DNAJC1: variants seen among roughly 807,000 people sequenced by gnomAD.
DNAJC1 encodes the protein DnaJ heat shock protein family (Hsp40) member C1, also known as dnaJ homolog subfamily C member 1.
Under a neutral mutation model 76.6 loss-of-function variants are expected in DNAJC1, and 58 were observed. That is an observed-to-expected ratio of 0.76 (90% CI 0.61 to 0.94). The LOEUF (loss-of-function observed/expected upper bound fraction) is 0.94, where lower values mean the gene tolerates loss of function less well. DNAJC1 is among the 40% of genes least tolerant of loss of function. The pLI, the probability that DNAJC1 is intolerant of heterozygous loss-of-function variation, is 0.00. For missense variants in DNAJC1, 689 were observed against 677.3 expected, an observed-to-expected ratio of 1.02 and a Z score of -0.19; for synonymous variants, 258 against 267.9, an observed-to-expected ratio of 0.96 and a Z score of 0.36.
At chr10:21,888,465 G>T (rs929181818) in intron 7 of DNAJC1, among the ~76,000 whole-genome samples, 6 of 152,096 alleles carry the variant, frequency 3.9e-5, no homozygotes, top group Non-Finnish European at 5.9e-5. Flanking sequence ...ATTCACAATA[G>T]CAAAGACATG....
chr10:21,994,862 TG>T (rs1314668760), intron 1 of DNAJC1, among the ~76,000 whole-genome samples: 1 of 150,628 alleles, frequency 6.6e-6, no homozygotes, highest in Non-Finnish European at 1.5e-5. Flanking sequence ...AAAGAAATAT[TG>T]TATGATATAA....
At chr10:21,925,185 T>A in intron 3 of DNAJC1, among the ~76,000 whole-genome samples, 1 of 152,086 alleles carries the variant, frequency 6.6e-6, no homozygotes, top group Non-Finnish European at 1.5e-5. Flanking sequence ...GTAATTTTTT[T>A]ATTTTTTGTA....
chr10:21,786,212 C>T (rs932647899), intron 9 of DNAJC1, among the ~76,000 whole-genome samples: 7 of 151,610 alleles, frequency 4.6e-5, no homozygotes, highest in African/African-American at 1.7e-4. Context: ...TCTAGATCTC[C>T]AAGAGGCAGA....
At chr10:21,787,563 G>C (rs1329818937) in intron 9 of DNAJC1, among the ~76,000 whole-genome samples, 2 of 152,178 alleles carry the variant, frequency 1.3e-5, no homozygotes, top group African/African-American at 2.4e-5. Flanking sequence ...AACCAAAGGA[G>C]AGTGCTGGAG....
chr10:21,844,957 G>C (rs1269452577), intron 8 of DNAJC1, among the ~76,000 whole-genome samples: 1 of 152,204 alleles, frequency 6.6e-6, no homozygotes, highest in African/African-American at 2.4e-5. Context: ...TTGTGCACAG[G>C]AGGTGCCACT....
chr10:21,882,838 A>C (rs1434846980), intron 7 of DNAJC1, among the ~76,000 whole-genome samples: 1 of 152,310 alleles, frequency 6.6e-6, no homozygotes, highest in African/African-American at 2.4e-5. Context: ...TATAAAAAAA[A>C]CCTGGCTCTC....
At chr10:21,960,783 A>AC (rs1426899052) in intron 1 of DNAJC1, among the ~76,000 whole-genome samples, 2 of 152,228 alleles carry the variant, frequency 1.3e-5, no homozygotes, top group African/African-American at 4.8e-5. Context: ...AAGAACTCCT[A>AC]CAACTCAACA....
chr10:21,781,449 C>A (rs546427328), intron 9 of DNAJC1, among the ~76,000 whole-genome samples: 1 of 152,138 alleles, frequency 6.6e-6, no homozygotes, highest in Non-Finnish European at 1.5e-5. Flanking sequence ...TCGCCGGGCG[C>A]GGTGGCTCAC....
chr10:21,921,743 T>C (rs1837045200), intron 3 of DNAJC1, among the ~76,000 whole-genome samples: 1 of 152,038 alleles, frequency 6.6e-6, no homozygotes, highest in Non-Finnish European at 1.5e-5. Context: ...AAATCAGCTT[T>C]CTTGGTACTA....
At chr10:21,899,095 C>T (rs1016268440) in intron 7 of DNAJC1, among the ~76,000 whole-genome samples, 1 of 152,142 alleles carries the variant, frequency 6.6e-6, no homozygotes, top group African/African-American at 2.4e-5. Flanking sequence ...GCAACCACAC[C>T]TGGGAAACCA....
intron 7 of DNAJC1, among the ~76,000 whole-genome samples, chr10:21,892,255 G>C (rs1836473380): frequency 5.9e-5 from 9 of 151,800 alleles, no homozygotes; most frequent in Admixed American, 5.9e-4. Context: ...GATAATAAGA[G>C]AGAAAAAATA....
At position 21,756,642 on chromosome 10, in the gene DNAJC1, A is replaced by G. The variant is rs749072396; in HGVS notation, c.*45T>C. 1.7e-5 allele frequency: 24 copies of G among 1,447,372 alleles called. No homozygotes were observed. In the South Asian group the frequency reaches 2.6e-4, roughly 16 times the overall value. The allele number at this position is 1,447,372 out of a possible 1,614,324, so 89.7% of individuals were successfully genotyped here. A position where few individuals can be genotyped will look rare whatever the true frequency, so the allele number is the denominator to read the frequency against. On this transcript the variant is annotated 3_prime_UTR_variant, in exon 12 of 12. Coordinates refer to ENST00000376980, the MANE Select transcript of DNAJC1 (RefSeq NM_022365.4). ...CAAATTTCTGCATAAGATTTTTAAG[A>G]TATTCATTTTGGAAAATGAAGGTGA... is the stretch of plus-strand genomic sequence containing the variant.
In DNAJC1 at chr10:21,999,804, T is replaced by TTC. The variant is rs773325340; in HGVS notation, c.222+3407_222+3408dup. 1.2e-4 allele frequency among the ~76,000 whole-genome samples: 18 copies of TTC among 151,594 alleles called. 1 individual carries two copies. Among genetic ancestry groups the TTC allele is most frequent in the Admixed American group, 3.9e-4 (6 of 15,266 alleles). On this transcript the variant is annotated intron_variant, in intron 1 of 11. Transcript: ENST00000376980. ...CAAGGCTTATTAGCTCCCAGATCTC[T>TTC]TCTCTTCTCTTTTACGTTCACTCCC...
intron 1 of DNAJC1, among the ~76,000 whole-genome samples, chr10:21,966,282 C>T (rs1168800697): frequency 6.6e-6 from 1 of 152,016 alleles, no homozygotes; most frequent in Non-Finnish European, 1.5e-5. Context: ...AAGTTTCTTC[C>T]CTATGAAGTT....
chr10:21,822,265 C>A (rs993084479), intron 8 of DNAJC1, among the ~76,000 whole-genome samples: 4 of 151,830 alleles, frequency 2.6e-5, no homozygotes, highest in Admixed American at 6.6e-5. Context: ...ATGGTGAAAC[C>A]CCATCTCTAC....
chr10:21,801,094 A>T (rs1332802448), intron 9 of DNAJC1, among the ~76,000 whole-genome samples: 1 of 152,218 alleles, frequency 6.6e-6, no homozygotes, highest in East Asian at 1.9e-4. Flanking sequence ...ATGGTTGCCT[A>T]TCTACTTCAC....
chr10:21,829,805 GATTT>G (rs1835327330), intron 8 of DNAJC1, among the ~76,000 whole-genome samples: 1 of 152,068 alleles, frequency 6.6e-6, no homozygotes, highest in Non-Finnish European at 1.5e-5. Flanking sequence ...GAAATATTTG[GATTT>G]ATTCCTTATC....
chr10:21,965,763 G>A (rs919740678), intron 1 of DNAJC1, among the ~76,000 whole-genome samples: 7 of 152,088 alleles, frequency 4.6e-5, no homozygotes, highest in Admixed American at 1.3e-4. Flanking sequence ...GGGTGGACGC[G>A]TTCCTCCTAT....
chr10:21,902,690 AACTCCGAAAGGAGCT>A (rs1413705983), intron 7 of DNAJC1, among the ~76,000 whole-genome samples: 2 of 152,216 alleles, frequency 1.3e-5, no homozygotes, highest in East Asian at 3.8e-4. Context: ...AAAAATAGTT[AACTCCGAAAGGAGCT>A]TTTGTATAGT....
Sources: allele counts gnomAD v4.1 joint callset (sites outside exome capture counted in the v4.1 genomes callset), GRCh38; gene constraint gnomAD v4.1.1; transcripts MANE v1.5; gene names NCBI Gene and HGNC (gene_info 2026-07-23, HGNC 2026-07-21).